Variants in CACNB2 observed in about 807,000 individuals in gnomAD.
CACNB2 encodes calcium voltage-gated channel auxiliary subunit beta 2.
CACNB2 carries 42 observed loss-of-function variants against 73.3 expected under a neutral mutation model. The ratio of observed to expected loss-of-function variants is 0.57; its 90% confidence interval spans 0.45 to 0.74. The LOEUF is 0.74. CACNB2 is among the 30% of genes least tolerant of loss of function. The pLI, the probability that CACNB2 is intolerant of heterozygous loss-of-function variation, is 0.00. For synonymous variants in CACNB2, 348 were observed against 310.3 expected, an observed-to-expected ratio of 1.12 and a Z score of -1.28; for missense variants, 940 against 853.0, an observed-to-expected ratio of 1.10 and a Z score of -1.27.
At chr10:18,472,681 A>G (rs2048254845) in intron 3 of CACNB2, among the ~76,000 whole-genome samples, 1 of 152,186 alleles carries the variant, frequency 6.6e-6, no homozygotes, top group South Asian at 2.1e-4. Flanking sequence ...CTGTTTTAAA[A>G]TTGTGTCTGA....
At chr10:18,323,661 T>C (rs979575500) in intron 2 of CACNB2, among the ~76,000 whole-genome samples, 1 of 152,200 alleles carries the variant, frequency 6.6e-6, no homozygotes, top group African/African-American at 2.4e-5. Context: ...CAATGTGATA[T>C]TTTTGAGCAG....
intron 3 of CACNB2, among the ~76,000 whole-genome samples, chr10:18,464,418 TAAAAAAAAAAAAAAAAA>T (rs762982462): frequency 1.2e-5 from 1 of 85,298 alleles, no homozygotes; most frequent in Non-Finnish European, 2.3e-5. Context: ...TCTCAAAAAT[TAAAAAAAAAAAAAAAAA>T]AAAAAGAATT....
chr10:18,220,239 A>AGGGGGGG (rs1291259522), intron 2 of CACNB2, among the ~76,000 whole-genome samples: 1 of 69,438 alleles, frequency 1.4e-5, no homozygotes, highest in African/African-American at 8.9e-5. Context: ...ATATAGAGAG[A>AGGGGGGG]GAGAGAGAGA....
In CACNB2 at chr10:18,292,124, A is replaced by G. The variant is rs138723605; in HGVS notation, c.214-109800A>G. The stretch of plus-strand genomic sequence containing the variant: ...AACTCCAAAACTGTTTGTGTTGAGT[A>G]AAGATTGCCTAGATTTCTTTTTTGG... On this transcript the variant is annotated intron_variant, in intron 2 of 13. Transcript: ENST00000324631. 5.8e-4 allele frequency among the ~76,000 whole-genome samples: 88 copies of G among 152,354 alleles called. 1 individual carries two copies. Among genetic ancestry groups the G allele is most frequent in the South Asian group, 3.3e-3 (16 of 4,832 alleles).
Position 18,532,676 on chromosome 10 carries a change from CA to C in CACNB2, c.1055-1380del, listed in dbSNP as rs1219587375. On this transcript the variant is annotated intron_variant, in intron 10 of 13. Transcript: ENST00000324631. Reference sequence around the variant, plus strand: ...TGGGAGACAGAGAGAGACTCTGTCTCAAAAAAAAAAAAAAAAAAAACAAAAC... The same window carrying C: ...TGGGAGACAGAGAGAGACTCTGTCTCAAAAAAAAAAAAAAAAAAACAAAAC... Among the ~76,000 whole-genome samples the C allele has an allele frequency of 1.6e-3, 151 of 92,548 alleles. 1 individual carries two copies. Among genetic ancestry groups the C allele is most frequent in the African/African-American group, 5.9e-3 (139 of 23,590 alleles). 60.7% of individuals were successfully genotyped at this position (92,548 alleles called of 152,430 possible). A position where few individuals can be genotyped will look rare whatever the true frequency, so the allele number is the denominator to read the frequency against.
At chr10:18,361,498 C>A (rs371883963) in intron 2 of CACNB2, among the ~76,000 whole-genome samples, 108 of 122,630 alleles carry the variant, frequency 8.8e-4, no homozygotes, top group Admixed American at 1.1e-3. Context: ...GACTCTATCT[C>A]AAAAAAAAAA....
chr10:18,481,204 ATATATATATATATATATATATATATATTT>A (rs1327706544), intron 3 of CACNB2, among the ~76,000 whole-genome samples: 255 of 10,942 alleles, frequency 0.023, 2 homozygotes, highest in Middle Eastern at 0.17. Flanking sequence ...ATATATATAT[ATATATATATATATATATATATATATATTT>A]TTTTTTTTTT....
rs145994094 is a variant in CACNB2 at position 18,230,380 on chromosome 10, CT to C, written c.213+79413del. Among the ~76,000 whole-genome samples the C allele has an allele frequency of 3.3e-5, 5 of 151,996 alleles. No individual in the cohort carries two copies. The East Asian group carries it at 5.8e-4, about 18-fold the overall frequency. On this transcript the variant is annotated intron_variant, in intron 2 of 13. Transcript: ENST00000324631. ...CACTCAAGTTGCCTGTTCCCTCGAT[CT>C]TTTTTTTGTACTGTTATTAAACACA...
intron 3 of CACNB2, among the ~76,000 whole-genome samples, chr10:18,496,185 C>CGAAAA (rs2049801535): frequency 1.2e-5 from 1 of 84,100 alleles, no homozygotes; most frequent in African/African-American, 5.0e-5. Flanking sequence ...GACTCAGTCT[C>CGAAAA]AAAAAAAAAA....
intron 3 of CACNB2, among the ~76,000 whole-genome samples, chr10:18,488,986 T>C (rs575516659): frequency 6.6e-6 from 1 of 152,170 alleles, no homozygotes; most frequent in South Asian, 2.1e-4. Context: ...GAGACCAGCC[T>C]GGCTAACATG....
intron 3 of CACNB2, among the ~76,000 whole-genome samples, chr10:18,470,305 G>A (rs1010806987): frequency 1.3e-5 from 2 of 149,446 alleles, no homozygotes; most frequent in African/African-American, 4.9e-5. Flanking sequence ...TGGCCAACAT[G>A]TATATAATAT....
chr10:18,539,704 G>C lies in CACNB2; in HGVS notation c.1963G>C (p.Asp655His). 1 of 1,610,820 alleles carries C rather than the reference G, an allele frequency of 6.2e-7. No individual in the cohort carries two copies. The highest frequency in any genetic ancestry group is 8.5e-7 in the Non-Finnish European group (1 of 1,179,290). ...KRNEAGEWNR[D>H]VYIRQ The stretch of plus-strand genomic sequence containing the variant: ...GAATGAGGCTGGGGAGTGGAACAGG[G>C]ATGTTTACATCCGCCAATGAGTTTT... Residue 655 changes from aspartate to histidine, a missense_variant, in exon 14 of 14, where the codon GAT becomes CAT. Transcript: ENST00000324631.
At chr10:18,205,778 T>C (rs1424846978) in intron 2 of CACNB2, among the ~76,000 whole-genome samples, 2 of 152,250 alleles carry the variant, frequency 1.3e-5, no homozygotes, top group Non-Finnish European at 2.9e-5. Flanking sequence ...TGTTCCCTGC[T>C]CCTCATCAAA....
chr10:18,427,457 C>T (rs2132786457), intron 3 of CACNB2, among the ~76,000 whole-genome samples: 1 of 152,238 alleles, frequency 6.6e-6, no homozygotes, highest in Non-Finnish European at 1.5e-5. Context: ...CTTATCCTTT[C>T]CTCAAGCGAT....
chr10:18,487,032 T>C (rs2049099075), intron 3 of CACNB2, among the ~76,000 whole-genome samples: 1 of 152,124 alleles, frequency 6.6e-6, no homozygotes, highest in African/African-American at 2.4e-5. Flanking sequence ...TGGGGTTTCA[T>C]AGTTGAGCTT....
intron 2 of CACNB2, among the ~76,000 whole-genome samples, chr10:18,241,025 C>A (rs1237232361): frequency 6.6e-6 from 1 of 152,168 alleles, no homozygotes; most frequent in Non-Finnish European, 1.5e-5. Flanking sequence ...CTCTGCTCAG[C>A]GAGATAAATG....
intron 2 of CACNB2, among the ~76,000 whole-genome samples, chr10:18,304,348 T>A (rs1202980842): frequency 1.3e-5 from 2 of 152,178 alleles, no homozygotes; most frequent in Non-Finnish European, 2.9e-5. Flanking sequence ...TTATCTCAAA[T>A]GAGGAAATGA....
At chr10:18,427,774 C>CATTTTCTTACTAATCTCTGCAGT (rs1185951634) in intron 3 of CACNB2, among the ~76,000 whole-genome samples, 3 of 152,072 alleles carry the variant, frequency 2.0e-5, no homozygotes, top group Non-Finnish European at 4.4e-5. Context: ...TTTATAATCT[C>CATTTTCTTACTAATCTCTGCAGT]ATTTTCTTAC....
chr10:18,511,610 C>G (rs1176215782), intron 6 of CACNB2, among the ~76,000 whole-genome samples: 1 of 152,174 alleles, frequency 6.6e-6, no homozygotes, highest in Non-Finnish European at 1.5e-5. Flanking sequence ...TGTTAGAGAG[C>G]TAACATGTAT....
Sources: gnomAD v4.1 joint callset for allele counts (sites outside exome capture counted in the v4.1 genomes callset) on GRCh38, gnomAD v4.1.1 for gene constraint, MANE v1.5 for transcripts, NCBI Gene and HGNC (gene_info 2026-07-23, HGNC 2026-07-21) for gene names.